Variants in PKP4 observed in about 807,000 individuals in gnomAD.
PKP4 encodes plakophilin-4.
PKP4 carries 90 observed loss-of-function variants against 145.1 expected under a neutral mutation model. That is an observed-to-expected ratio of 0.62 (90% CI 0.52 to 0.74). The LOEUF is 0.74. Among genes scored for constraint, PKP4 ranks in the 30% least tolerant of loss-of-function variants. The pLI is 0.00. For synonymous variants in PKP4, 563 were observed against 577.2 expected (o/e 0.98, Z 0.35); for missense variants, 1,340 against 1,482.7 (o/e 0.90, Z 1.58).
At chr2:158,467,827 A>G (rs956568920) in intron 1 of PKP4, among the ~76,000 whole-genome samples, 6 of 152,226 alleles carry the variant, frequency 3.9e-5, no homozygotes, top group African/African-American at 1.4e-4. Flanking sequence ...AACCTGGGCA[A>G]TAGAGTGAAA....
Position 158,673,665 on chromosome 2 carries a change from C to T in PKP4, c.2925-12C>T. 6.3e-7 allele frequency: 1 copy of T among 1,596,786 alleles called. No individual in the cohort carries two copies. The highest frequency in any genetic ancestry group is 1.3e-5 in the African/African-American group (1 of 74,702). ...TCACCCACATTCATTAATATCCTTG[C>T]TCTCTACCTAGATCATCTCTGAAAG... On this transcript the variant is annotated splice_polypyrimidine_tract_variant and intron_variant, in intron 17 of 21. Transcript: ENST00000389759.
intron 3 of PKP4, among the ~76,000 whole-genome samples, chr2:158,579,412 C>T (rs1438002225): frequency 3.3e-5 from 5 of 149,452 alleles, no homozygotes; most frequent in Admixed American, 6.7e-5. Context: ...GTGCTTTGTT[C>T]GTCATGTATT....
At chr2:158,680,394 G>T in intron 21 of PKP4, 35 bp from the exon 22 acceptor site, 1 of 1,522,114 alleles carries the variant, frequency 6.6e-7, no homozygotes, top group East Asian at 2.3e-5. Flanking sequence ...TTAAAAAATT[G>T]CTTTTATTTA....
intron 4 of PKP4, among the ~76,000 whole-genome samples, chr2:158,609,954 G>T (rs908740207): frequency 6.6e-6 from 1 of 152,176 alleles, no homozygotes; most frequent in Non-Finnish European, 1.5e-5. Context: ...AGGAAGAGCT[G>T]CCCATTCTGC....
At chr2:158,676,677 A>T (rs1451266104) in intron 19 of PKP4, 62 bp from the exon 20 acceptor site, 2 of 1,597,358 alleles carry the variant, frequency 1.3e-6, no homozygotes, top group Admixed American at 3.3e-5. Context: ...GATTTTCCAC[A>T]GATACTGATG....
intron 11 of PKP4, among the ~76,000 whole-genome samples, chr2:158,655,473 T>C (rs1299927557): frequency 1.3e-5 from 2 of 152,210 alleles, no homozygotes. Flanking sequence ...GGATCCAATA[T>C]GCTGAAAAAC....
chr2:158,490,962 G>A (rs575972136), intron 1 of PKP4, among the ~76,000 whole-genome samples: 2 of 152,220 alleles, frequency 1.3e-5, no homozygotes, highest in South Asian at 4.2e-4. Context: ...TGTGTTTAGT[G>A]TTTTTGTTTG....
Position 158,625,132 on chromosome 2 carries a change from G to A in PKP4, c.858G>A (p.Arg286=), listed in dbSNP as rs985757313. 4 of 1,614,088 alleles carry A rather than the reference G, an allele frequency of 2.5e-6. No homozygotes were observed. The highest frequency in any genetic ancestry group is 2.2e-5 in the South Asian group (2 of 91,084). Residue 286 remains arginine, a synonymous_variant, in exon 7 of 22, where the codon CGG becomes CGA. Transcript: ENST00000389759. ...SQRPASPTAI[R]RIGSVTSRQT... ...GACCCGCCTCCCCAACAGCTATACG[G>A]CGGATTGGGTCAGTCACCTCCCGGC...
chr2:158,624,774 A>T (rs2052592504), intron 6 of PKP4, 104 bp from the exon 7 acceptor site: 1 of 813,312 alleles, frequency 1.2e-6, no homozygotes, highest in African/African-American at 1.7e-5. Context: ...TGCCTAAAAT[A>T]GTGGATTCAC....
Position 158,548,652 on chromosome 2 carries a change from A to C in PKP4, c.132+15336A>C, listed in dbSNP as rs566261069. 187 of 159,174 alleles carry C rather than the reference A, an allele frequency of 1.2e-3. 1 individual carries two copies. Among genetic ancestry groups the C allele is most frequent in the African/African-American group, 4.4e-3 (177 of 39,850 alleles). 9.9% of individuals were successfully genotyped at this position (159,174 alleles called of 1,614,324 possible). A position where few individuals can be genotyped will look rare whatever the true frequency, so the allele number is the denominator to read the frequency against. On this transcript the variant is annotated intron_variant, in intron 2 of 21. Transcript: ENST00000389759. ...AGAGCTGTCCTCTATCCAGAGCTGA[A>C]AGTGCCTCTTGCGATGAACCAGTTC... is the stretch of plus-strand genomic sequence containing the variant.
At chr2:158,592,926 T>G (rs2049399135) in intron 3 of PKP4, among the ~76,000 whole-genome samples, 1 of 152,168 alleles carries the variant, frequency 6.6e-6, no homozygotes, top group Non-Finnish European at 1.5e-5. Flanking sequence ...TGCTACAGCT[T>G]AGTCCCATGT....
intron 4 of PKP4, among the ~76,000 whole-genome samples, chr2:158,614,036 C>A (rs945130967): frequency 1.3e-5 from 2 of 152,020 alleles, no homozygotes; most frequent in African/African-American, 4.8e-5. Context: ...TTCAGCTTGA[C>A]GAGTACAAGC....
Position 158,603,025 on chromosome 2 carries a change from G to T in PKP4, c.246-45G>T. On this transcript the variant is annotated intron_variant, in intron 3 of 21. Coordinates refer to ENST00000389759, the MANE Select transcript of PKP4 (RefSeq NM_003628.6). ...AAACAGGTCCTAAGCTAAATTTTAT[G>T]ACAAAATAAATAAATGTTCCATTTT... 4 of 1,245,472 alleles carry T rather than the reference G, an allele frequency of 3.2e-6. No homozygotes were observed. The South Asian group carries it at 5.9e-5, about 18-fold the overall frequency. 77.2% of individuals were successfully genotyped at this position (1,245,472 alleles called of 1,614,324 possible). A position where few individuals can be genotyped will look rare whatever the true frequency, so the allele number is the denominator to read the frequency against.
intron 1 of PKP4, among the ~76,000 whole-genome samples, chr2:158,463,608 C>G (rs1281534454): frequency 2.0e-5 from 3 of 152,136 alleles, no homozygotes; most frequent in African/African-American, 7.2e-5. Flanking sequence ...TCATGTAACT[C>G]TCGTGGGCTT....
chr2:158,529,660 G>T (rs1266942587), intron 1 of PKP4, among the ~76,000 whole-genome samples: 1 of 152,150 alleles, frequency 6.6e-6, no homozygotes, highest in East Asian at 1.9e-4. Context: ...GATCACTTAG[G>T]TTTGGGCAGT....
At chr2:158,490,966 T>C (rs1403997613) in intron 1 of PKP4, among the ~76,000 whole-genome samples, 2 of 152,220 alleles carry the variant, frequency 1.3e-5, no homozygotes, top group South Asian at 2.1e-4. Context: ...TTTAGTGTTT[T>C]TGTTTGTGTG....
chr2:158,625,563 G>T (rs1272234137), intron 7 of PKP4, 136 bp downstream of exon 7: 2 of 679,588 alleles, frequency 2.9e-6, no homozygotes, highest in East Asian at 5.6e-5. Flanking sequence ...TAAACTTAAG[G>T]TTAACTTGTC....
intron 2 of PKP4, among the ~76,000 whole-genome samples, chr2:158,562,867 A>G (rs1443358326): frequency 1.3e-5 from 2 of 152,332 alleles, no homozygotes; most frequent in East Asian, 1.9e-4. Flanking sequence ...TTTTCAAAGC[A>G]TATTTATATA....
chr2:158,605,862 A>G lies in PKP4; in HGVS notation c.280+2758A>G, dbSNP rs184426907. Among the ~76,000 whole-genome samples, 20 of 152,254 alleles carry G rather than the reference A, an allele frequency of 1.3e-4. No individual in the cohort carries two copies. The East Asian group carries it at 2.3e-3, about 18-fold the overall frequency. ...ACTTTCTTTCCTTATGGATTTGCCT[A>G]TTCTAGACATTTCAGTTGAATAGAA... On this transcript the variant is annotated intron_variant, in intron 4 of 21. Transcript: ENST00000389759.
Sources: allele counts gnomAD v4.1 joint callset (sites outside exome capture counted in the v4.1 genomes callset), GRCh38; gene constraint gnomAD v4.1.1; transcripts MANE v1.5; gene names NCBI Gene and HGNC (gene_info 2026-07-23, HGNC 2026-07-21).